SCN11A: variants seen among roughly 807,000 people sequenced by gnomAD.
SCN11A encodes sodium voltage-gated channel alpha subunit 11.
SCN11A carries 122 observed loss-of-function variants against 162.2 expected under a neutral mutation model. The ratio of observed to expected loss-of-function variants is 0.75; its 90% CI spans 0.65 to 0.87. SCN11A has a LOEUF of 0.87. Ranked by LOEUF, SCN11A falls within the 40% of genes least tolerant of loss-of-function variation. SCN11A has a pLI of 0.00. For synonymous variants in SCN11A, 758 were observed against 751.5 expected (o/e 1.01, Z -0.14); for missense variants, 2,015 against 2,181.6 (o/e 0.92, Z 1.52).
rs182099038 is a variant in SCN11A at position 38,954,518 on chromosome 3, G to A, written c.-138-759C>T. 1.7e-3 allele frequency among the ~76,000 whole-genome samples: 261 copies of A among 152,220 alleles called. 2 individuals are homozygous for A. The highest frequency in any genetic ancestry group is 5.9e-3 in the African/African-American group (245 of 41,532). On this transcript the variant is annotated intron_variant, in intron 3 of 29. Transcript: ENST00000302328. ...TCACCCTGCCATTTTGACTCTGGGAGATATTTTGCCTGGGTTCTTAAGAAA... is the reference window on the plus strand; with the variant it reads ...TCACCCTGCCATTTTGACTCTGGGAAATATTTTGCCTGGGTTCTTAAGAAA...
chr3:38,915,378 A>T (rs1279319541), intron 11 of SCN11A, among the ~76,000 whole-genome samples: 1 of 151,180 alleles, frequency 6.6e-6, no homozygotes, highest in Non-Finnish European at 1.5e-5. Flanking sequence ...TGCTTCTCTA[A>T]CTCTTTCCAT....
At chr3:38,963,447 T>C (rs1376947202) in intron 2 of SCN11A, among the ~76,000 whole-genome samples, 4 of 98,274 alleles carry the variant, frequency 4.1e-5, no homozygotes, top group Admixed American at 1.1e-4. Context: ...ATATATATGA[T>C]GGAGATATAT....
At chr3:38,917,140 G>A (rs889556018) in intron 11 of SCN11A, among the ~76,000 whole-genome samples, 3 of 152,172 alleles carry the variant, frequency 2.0e-5, no homozygotes, top group Non-Finnish European at 2.9e-5. Context: ...CAGTCAGAAT[G>A]GCTATTACTA....
At chr3:38,883,967 G>A (rs536205656) in intron 21 of SCN11A, among the ~76,000 whole-genome samples, 1 of 152,190 alleles carries the variant, frequency 6.6e-6, no homozygotes, top group South Asian at 2.1e-4. Context: ...GAAAGAATTT[G>A]ATCAAATGTC....
intron 2 of SCN11A, among the ~76,000 whole-genome samples, chr3:38,977,697 T>A (rs992390811): frequency 7.9e-5 from 12 of 152,168 alleles, no homozygotes; most frequent in Admixed American, 7.9e-4. Context: ...AACATCTCCA[T>A]CACCCAACAA....
rs772064831 is a variant in SCN11A, at chr3:38,863,309, G to GCTCT, written c.3952-11_3952-10insAGAG. 4.4e-6 allele frequency: 6 copies of GCTCT among 1,373,856 alleles called. No individual in the cohort carries two copies. Among genetic ancestry groups the GCTCT allele is most frequent in the Non-Finnish European group, 5.2e-6 (5 of 966,870 alleles). The allele number at this position is 1,373,856 out of a possible 1,614,324, so 85.1% of individuals were successfully genotyped here. On this transcript the variant is annotated splice_polypyrimidine_tract_variant and intron_variant, in intron 27 of 29. Coordinates refer to ENST00000302328, the MANE Select transcript of SCN11A (RefSeq NM_001349253.2). ...TGTCTTGGCCACCTAAGTATATGGA[G>GCTCT]AAGATAAGAGCTAATTACCTTTAAC...
intron 2 of SCN11A, among the ~76,000 whole-genome samples, chr3:39,010,378 C>CTTT (rs201494677): frequency 8.3e-6 from 1 of 120,748 alleles, no homozygotes; most frequent in Non-Finnish European, 1.6e-5. Context: ...TTTAGTTTTT[C>CTTT]TTTTTTCTTT....
At chr3:38,966,418 CA>C (rs905769841) in intron 2 of SCN11A, among the ~76,000 whole-genome samples, 31 of 151,480 alleles carry the variant, frequency 2.0e-4, no homozygotes, top group South Asian at 6.3e-4. Flanking sequence ...GAGTATTTTA[CA>C]AAAAAAAGAT....
At chr3:38,867,118 C>CTT (rs2065053085) in intron 27 of SCN11A, among the ~76,000 whole-genome samples, 1 of 152,190 alleles carries the variant, frequency 6.6e-6, no homozygotes, top group Admixed American at 6.5e-5. Context: ...AAAGTAATGA[C>CTT]TTAATTAAAC....
intron 2 of SCN11A, chr3:39,025,979 T>G (rs2031577826): frequency 6.6e-6 from 1 of 151,838 alleles, no homozygotes; most frequent in African/African-American, 2.4e-5. Context: ...ACAAAAATAC[T>G]TAAAAGAGTA....
intron 28 of SCN11A, among the ~76,000 whole-genome samples, chr3:38,851,871 C>T (rs1407184427): frequency 6.6e-6 from 1 of 152,106 alleles, no homozygotes; most frequent in Admixed American, 6.6e-5. Flanking sequence ...GAGGTGGAAG[C>T]AAGAACCGTC....
At chr3:38,938,828 C>T (rs1399530349) in intron 7 of SCN11A, among the ~76,000 whole-genome samples, 1 of 151,176 alleles carries the variant, frequency 6.6e-6, no homozygotes, top group African/African-American at 2.4e-5. Flanking sequence ...CCTCCCAAAG[C>T]GCTGGGATTA....
chr3:38,936,153 T>C (rs571483812), intron 7 of SCN11A, among the ~76,000 whole-genome samples: 88 of 151,730 alleles, frequency 5.8e-4, no homozygotes, highest in African/African-American at 2.0e-3. Flanking sequence ...GAAAAGGCCT[T>C]TGACAAAATT....
chr3:38,950,211 C>G lies in SCN11A; in HGVS notation c.152G>C (p.Arg51Pro). 6.2e-7 allele frequency: 1 copy of G among 1,613,884 alleles called. No homozygotes were observed. The highest frequency in any genetic ancestry group is 1.1e-5 in the South Asian group (1 of 91,062). ...GGAGGCCTTTAGGTCAAGCTGAGGC[C>G]GAGGCTGGGGTACTTCTCCTGTCTG... ...KDQTGEVPQP[R>P]PQLDLKASRK... Residue 51 changes from arginine (R) to proline (P), a missense_variant, in exon 5 of 30, where the codon CGG (arginine) becomes CCG (proline). Transcript: ENST00000302328.
chr3:38,962,845 C>T (rs1575338463), intron 2 of SCN11A, among the ~76,000 whole-genome samples: 1 of 151,222 alleles, frequency 6.6e-6, no homozygotes, highest in South Asian at 2.1e-4. Flanking sequence ...GAAACTCCGT[C>T]TAAAAATAAA....
chr3:38,846,760 G>A lies in SCN11A; in HGVS notation c.5310C>T (p.Leu1770=), dbSNP rs1292364054. 1.2e-6 allele frequency: 2 copies of A among 1,614,154 alleles called. No individual in the cohort carries two copies. The highest frequency in any genetic ancestry group is 1.7e-6 in the Non-Finnish European group (2 of 1,180,020). Residue 1770 remains leucine, a synonymous_variant, in exon 30 of 30, where the codon CTC becomes CTT. Coordinates refer to ENST00000302328, the MANE Select transcript of SCN11A (RefSeq NM_001349253.2). The part of the protein sequence containing the change: ...NDLENGPHSP[L]QTLCNGDLSS... ...ACAAGTCTCCATTGCAAAGAGTCTG[G>A]AGTGGTGAATGAGGCCCGTTTTCCA...
chr3:39,035,691 G>A (rs948830384), intron 1 of SCN11A, among the ~76,000 whole-genome samples: 9 of 151,978 alleles, frequency 5.9e-5, no homozygotes, highest in Non-Finnish European at 1.2e-4. Context: ...CCAGGCTGGC[G>A]TGCAGTGGCA....
chr3:38,899,605 A>C (rs1376787421), intron 17 of SCN11A, among the ~76,000 whole-genome samples: 2 of 152,182 alleles, frequency 1.3e-5, no homozygotes, highest in Non-Finnish European at 2.9e-5. Flanking sequence ...GGTTGTGCAC[A>C]GAGCAAGGAA....
At chr3:38,888,735 T>C (rs1356498801) in intron 19 of SCN11A, among the ~76,000 whole-genome samples, 1 of 152,168 alleles carries the variant, frequency 6.6e-6, no homozygotes, top group African/African-American at 2.4e-5. Context: ...GAAGAAACAT[T>C]TGTTCAAGAA....
Sources: allele counts gnomAD v4.1 joint callset (sites outside exome capture counted in the v4.1 genomes callset), GRCh38; gene constraint gnomAD v4.1.1; transcripts MANE v1.5; gene names NCBI Gene and HGNC (gene_info 2026-07-23, HGNC 2026-07-21).